The following CLVS1 variants were observed in gnomAD, a reference collection of about 807,000 sequenced individuals.
CLVS1 encodes the protein clavesin-1.
Under a neutral mutation model 33.1 loss-of-function variants are expected in CLVS1, and 10 were observed. The observed-to-expected ratio is 0.30, with a 90% confidence interval of 0.19 to 0.51. CLVS1 has a LOEUF of 0.51. Ranked by LOEUF, CLVS1 falls within the 20% of genes least tolerant of loss-of-function variation. The probability of loss-of-function intolerance (pLI) is 0.97; values close to 1 mark genes in which losing one functional copy is unlikely to be tolerated. For missense variants in CLVS1, 343 were observed against 433.4 expected, an observed-to-expected ratio of 0.79 and a Z score of 1.85; for synonymous variants, 163 against 166.1, an observed-to-expected ratio of 0.98 and a Z score of 0.14.
At chr8:61,230,016 G>A (rs912836818) in intron 2 of CLVS1, among the ~76,000 whole-genome samples, 3 of 152,116 alleles carry the variant, frequency 2.0e-5, no homozygotes, top group African/African-American at 4.8e-5. Context: ...TATCTGAAAG[G>A]GACCTTTCTC....
At chr8:61,364,596 G>A (rs1368904227) in intron 2 of CLVS1, among the ~76,000 whole-genome samples, 2 of 152,194 alleles carry the variant, frequency 1.3e-5, no homozygotes, top group African/African-American at 4.8e-5. Context: ...GATAGAATTT[G>A]TAAAATGAGA....
intron 1 of CLVS1, among the ~76,000 whole-genome samples, chr8:61,081,608 C>A (rs1269963267): frequency 6.6e-6 from 1 of 152,140 alleles, no homozygotes; most frequent in Non-Finnish European, 1.5e-5. Context: ...CAGAGATGGG[C>A]ATGTTGGTGA....
At chr8:61,231,549 C>G (rs1808433084) in intron 2 of CLVS1, among the ~76,000 whole-genome samples, 3 of 151,940 alleles carry the variant, frequency 2.0e-5, no homozygotes, top group Non-Finnish European at 4.4e-5. Context: ...CTTCCTCCCA[C>G]CCACCTCCCT....
intron 1 of CLVS1, among the ~76,000 whole-genome samples, chr8:61,121,009 G>A (rs1166176529): frequency 6.6e-6 from 1 of 151,378 alleles, no homozygotes; most frequent in Non-Finnish European, 1.5e-5. Context: ...AGACTGCTGT[G>A]CTAGCAATCA....
In CLVS1 at chr8:61,281,909, A is replaced by T. The variant is rs56054685; in HGVS notation, c.-151-17768A>T. 5.8e-3 allele frequency among the ~76,000 whole-genome samples: 876 copies of T among 152,308 alleles called. 9 individuals are homozygous for T. Among genetic ancestry groups the T allele is most frequent in the African/African-American group, 0.02 (824 of 41,576 alleles). On this transcript the variant is annotated intron_variant, in intron 2 of 2. Coordinates refer to the CLVS1 transcript ENST00000522621. ...TGGCTTGCCAATTTCAGTCTTAAAA[A>T]CTGCAAAGATCTTCATATAGCAACA... is the stretch of plus-strand genomic sequence containing the variant.
At chr8:61,353,729 AAAAT>A (rs1563511786) in intron 2 of CLVS1, among the ~76,000 whole-genome samples, 2 of 149,950 alleles carry the variant, frequency 1.3e-5, no homozygotes, top group Non-Finnish European at 2.9e-5. Flanking sequence ...AATAAAAAAA[AAAAT>A]AAAGAAAGAA....
At chr8:61,199,459 C>T (rs1358977012) in intron 2 of CLVS1, among the ~76,000 whole-genome samples, 1 of 152,094 alleles carries the variant, frequency 6.6e-6, no homozygotes, top group African/African-American at 2.4e-5. Flanking sequence ...TATGAACAGA[C>T]ATTTCTCAAA....
At chr8:61,135,164 G>A (rs1471753400) in intron 2 of CLVS1, among the ~76,000 whole-genome samples, 1 of 151,782 alleles carries the variant, frequency 6.6e-6, no homozygotes, top group Non-Finnish European at 1.5e-5. Context: ...GCAGAAGAGA[G>A]GAAAATGCTA....
the CLVS1 span, among the ~76,000 whole-genome samples, chr8:61,011,532 T>C: frequency 1.3e-5 from 2 of 152,136 alleles, no homozygotes; most frequent in African/African-American, 2.4e-5. Context: ...CACTGCAACA[T>C]CCACCTCTTG....
the CLVS1 span, among the ~76,000 whole-genome samples, chr8:60,984,098 G>A: frequency 6.6e-6 from 1 of 152,046 alleles, no homozygotes; most frequent in Non-Finnish European, 1.5e-5. Flanking sequence ...TCCCTCCCCT[G>A]CTCCTTCCTC....
chr8:61,245,669 A>G (rs531525960), intron 2 of CLVS1, among the ~76,000 whole-genome samples: 29 of 151,596 alleles, frequency 1.9e-4, no homozygotes, highest in African/African-American at 6.8e-4. Context: ...TTCATTATAT[A>G]TATGAATGGA....
intron 2 of CLVS1, among the ~76,000 whole-genome samples, chr8:61,344,195 A>G (rs1429092099): frequency 1.3e-5 from 2 of 152,146 alleles, no homozygotes; most frequent in Non-Finnish European, 2.9e-5. Flanking sequence ...AAAAAAAGAA[A>G]AAAAAGAAAG....
chr8:61,074,197 G>A (rs1804856868), intron 1 of CLVS1, among the ~76,000 whole-genome samples: 1 of 150,652 alleles, frequency 6.6e-6, no homozygotes, highest in African/African-American at 2.4e-5. Flanking sequence ...AATTAGCTGG[G>A]TGTGGTGGTG....
Position 61,443,750 on chromosome 8 carries a change from A to T in CLVS1, c.631-10391A>T, listed in dbSNP as rs146289819. 4.0e-3 allele frequency among the ~76,000 whole-genome samples: 604 copies of T among 152,266 alleles called. 2 individuals are homozygous for T. Among genetic ancestry groups the T allele is most frequent in the African/African-American group, 0.013 (549 of 41,538 alleles). ...CTATGTTTTCCATAAAAATTTTTAA[A>T]TAATTCTATCAATATCTGCAAAAAT... On this transcript the variant is annotated intron_variant, in intron 3 of 5. Coordinates refer to ENST00000325897, the MANE Select transcript of CLVS1 (RefSeq NM_173519.3).
At chr8:61,418,581 T>A (rs1035932666) in intron 3 of CLVS1, among the ~76,000 whole-genome samples, 1 of 152,234 alleles carries the variant, frequency 6.6e-6, no homozygotes, top group East Asian at 1.9e-4. Context: ...TGGAATTTCA[T>A]TTTTACCAAA....
intron 4 of CLVS1, among the ~76,000 whole-genome samples, chr8:61,456,933 T>C (rs1360165057): frequency 7.1e-6 from 1 of 141,540 alleles, no homozygotes; most frequent in Non-Finnish European, 1.5e-5. Flanking sequence ...AAAAAAAAAA[T>C]ACATATAGAT....
At chr8:61,357,118 G>T (rs1298284077) in intron 2 of CLVS1, among the ~76,000 whole-genome samples, 1 of 152,092 alleles carries the variant, frequency 6.6e-6, no homozygotes, top group Non-Finnish European at 1.5e-5. Context: ...TCTCCTTGAA[G>T]AGATCCTTCA....
At position 61,250,432 on chromosome 8, in the gene CLVS1, T is replaced by C. The variant is rs143697503; in HGVS notation, c.-151-49245T>C. On this transcript the variant is annotated intron_variant, in intron 2 of 2. Transcript: ENST00000522621. ...TTTTGGTTCCATATGAAGTTTAAAG[T>C]AGTTTTTTCCAATTCTGTGAAGAAA... 6.8e-3 allele frequency among the ~76,000 whole-genome samples: 1,035 copies of C among 152,318 alleles called. 26 individuals carry two copies. Among genetic ancestry groups the C allele is most frequent in the East Asian group, 0.059 (304 of 5,188 alleles).
At chr8:61,371,282 T>C (rs1198425860) in intron 2 of CLVS1, among the ~76,000 whole-genome samples, 14 of 152,242 alleles carry the variant, frequency 9.2e-5, no homozygotes, top group Non-Finnish European at 1.5e-5. Flanking sequence ...TGGCCCTTTG[T>C]ATATCTTCTT....
Sources: allele counts gnomAD v4.1 joint callset (sites outside exome capture counted in the v4.1 genomes callset), GRCh38; gene constraint gnomAD v4.1.1; transcripts MANE v1.5; gene names NCBI Gene and HGNC (gene_info 2026-07-23, HGNC 2026-07-21).